Variants in SUCLG2 observed in about 807,000 individuals in gnomAD.
The protein encoded by SUCLG2 is succinate-CoA ligase GDP-forming subunit beta.
In SUCLG2, 42 loss-of-function variants were observed where a neutral mutation model predicts 47.9. The observed-to-expected ratio is 0.88, with a 90% CI of 0.69 to 1.14. The LOEUF is 1.14. Among genes scored for constraint, SUCLG2 ranks in the 50% most tolerant of loss-of-function variants. The pLI, the probability that SUCLG2 is intolerant of heterozygous loss-of-function variation, is 0.00. For missense variants in SUCLG2, 571 were observed against 525.9 expected, an observed-to-expected ratio of 1.09 and a Z score of -0.84; for synonymous variants, 195 against 197.3, an observed-to-expected ratio of 0.99 and a Z score of 0.10.
intron 9 of SUCLG2, among the ~76,000 whole-genome samples, chr3:67,476,404 T>C (rs1457886484): frequency 6.6e-6 from 1 of 152,064 alleles, no homozygotes; most frequent in African/African-American, 2.4e-5. Flanking sequence ...GCGCTCCTTA[T>C]GAGAATCTAA....
At chr3:67,447,654 T>C (rs1251974278) in intron 9 of SUCLG2, among the ~76,000 whole-genome samples, 1 of 152,220 alleles carries the variant, frequency 6.6e-6, no homozygotes, top group African/African-American at 2.4e-5. Context: ...CAAATCAACA[T>C]ATTTGCCAAT....
At chr3:67,527,650 T>G (rs1349735042) in intron 4 of SUCLG2, among the ~76,000 whole-genome samples, 2 of 152,224 alleles carry the variant, frequency 1.3e-5, no homozygotes, top group Non-Finnish European at 2.9e-5. Flanking sequence ...TCAGCTGACC[T>G]TCCTAATGCA....
At chr3:67,580,763 T>G (rs7628362) in intron 2 of SUCLG2, among the ~76,000 whole-genome samples, 40,323 of 152,078 alleles carry the variant, frequency 0.27, 6,356 homozygotes, top group East Asian at 0.42. Context: ...TTATAGACCG[T>G]CAATCATAAT....
chr3:67,495,907 T>C lies in SUCLG2; in HGVS notation c.953A>G (p.Asp318Gly). The C allele has an allele frequency of 6.2e-7, 1 of 1,613,948 alleles. No individual in the cohort carries two copies. The highest frequency in any genetic ancestry group is 8.5e-7 in the Non-Finnish European group (1 of 1,179,944). Residue 318 changes from aspartate (D) to glycine (G), a missense_variant, in exon 9 of 11, where the codon GAT (aspartate) becomes GGT (glycine). Physicochemically the swap from Asp to Gly is moderately conservative, Grantham distance 94. Coordinates refer to ENST00000307227, the MANE Select transcript of SUCLG2 (RefSeq NM_003848.4). ...CTTCCCACCATTAAGGAAAATGATA[T>C]CACAAGTAGCCATGGCGAGCCCAGC... ...NGAGLAMATC[D>G]IIFLNGGKPA...
At chr3:67,592,227 T>C (rs1708181318) in intron 2 of SUCLG2, among the ~76,000 whole-genome samples, 2 of 152,202 alleles carry the variant, frequency 1.3e-5, no homozygotes, top group South Asian at 4.1e-4. Context: ...GTTCAGAGTG[T>C]AAGGCACAGA....
intron 1 of SUCLG2, 63 bp from the exon 2 acceptor site, chr3:67,609,659 C>A: frequency 1.3e-6 from 2 of 1,539,174 alleles, no homozygotes; most frequent in Non-Finnish European, 8.8e-7. Context: ...AAAAGTCAAC[C>A]TACATGGCCA....
intron 10 of SUCLG2, among the ~76,000 whole-genome samples, chr3:67,397,626 A>C (rs554558687): frequency 6.6e-6 from 1 of 152,258 alleles, no homozygotes; most frequent in East Asian, 1.9e-4. Flanking sequence ...TGCCATCCCC[A>C]TCAAGCTACC....
intron 10 of SUCLG2, among the ~76,000 whole-genome samples, chr3:67,393,085 G>A (rs113924335): frequency 0.047 from 7,124 of 152,278 alleles, 504 homozygotes; most frequent in African/African-American, 0.16. Flanking sequence ...AGCTCCCAGC[G>A]TGAGCGACGC....
At chr3:67,608,309 C>A (rs1700460368) in intron 2 of SUCLG2, among the ~76,000 whole-genome samples, 1 of 152,180 alleles carries the variant, frequency 6.6e-6, no homozygotes, top group African/African-American at 2.4e-5. Context: ...CCACAGCTGA[C>A]AGAAGTGGGT....
At chr3:67,360,533 G>T in exon 11 of SUCLG2, 1 of 1,266,570 alleles carries the variant, frequency 7.9e-7, no homozygotes, top group South Asian at 1.7e-5. Context: ...ATTTCCATTA[G>T]CATGCAGCTG....
In SUCLG2 at chr3:67,495,770, A is replaced by G. The variant is rs551749989; in HGVS notation, c.1062+28T>C. 22 of 1,612,024 alleles carry G rather than the reference A, an allele frequency of 1.4e-5. 1 individual carries two copies. In the South Asian group the frequency reaches 2.4e-4, roughly 18 times the overall value. ...GACGGTGAGAAATTAAAACTGGCAT[A>G]TAATCTCCCTACAAAGAGAAAGGTT... On this transcript the variant is annotated intron_variant, in intron 9 of 10. Coordinates refer to ENST00000307227, the MANE Select transcript of SUCLG2 (RefSeq NM_003848.4).
intron 6 of SUCLG2, among the ~76,000 whole-genome samples, chr3:67,515,542 A>G (rs1705921791): frequency 6.6e-6 from 1 of 152,202 alleles, no homozygotes; most frequent in Admixed American, 6.5e-5. Context: ...TAATAATTTT[A>G]TAAGACTATC....
chr3:67,593,410 T>C (rs1346148577), intron 2 of SUCLG2, among the ~76,000 whole-genome samples: 1 of 152,000 alleles, frequency 6.6e-6, no homozygotes, highest in East Asian at 1.9e-4. Context: ...ACACATTCAA[T>C]TGTATATCCA....
chr3:67,648,735 A>G (rs906433400), intron 1 of SUCLG2, among the ~76,000 whole-genome samples: 2 of 152,218 alleles, frequency 1.3e-5, no homozygotes, highest in Non-Finnish European at 2.9e-5. Flanking sequence ...TTTCACAACT[A>G]GGATTTCTAT....
At chr3:67,483,580 C>T (rs1294854375) in intron 9 of SUCLG2, among the ~76,000 whole-genome samples, 1 of 152,162 alleles carries the variant, frequency 6.6e-6, no homozygotes, top group Non-Finnish European at 1.5e-5. Flanking sequence ...ATTTTCTATC[C>T]TCTTTAAAAT....
intron 9 of SUCLG2, among the ~76,000 whole-genome samples, chr3:67,438,899 C>T (rs1057313642): frequency 4.6e-5 from 7 of 152,156 alleles, no homozygotes; most frequent in African/African-American, 1.7e-4. Context: ...AGGACTGCAT[C>T]ATCCTGATAC....
intron 2 of SUCLG2, among the ~76,000 whole-genome samples, chr3:67,542,505 T>C (rs1706746017): frequency 6.6e-6 from 1 of 152,014 alleles, no homozygotes; most frequent in Admixed American, 6.5e-5. Flanking sequence ...GTAAATGAGG[T>C]AAATGCCCCA....
chr3:67,472,783 T>C (rs1293256469), intron 9 of SUCLG2, among the ~76,000 whole-genome samples: 4 of 152,156 alleles, frequency 2.6e-5, no homozygotes, highest in African/African-American at 4.8e-5. Context: ...AAACATTCAA[T>C]GTAGTCCCAT....
chr3:67,486,058 C>G (rs954769923), intron 9 of SUCLG2, among the ~76,000 whole-genome samples: 1 of 152,096 alleles, frequency 6.6e-6, no homozygotes, highest in Non-Finnish European at 1.5e-5. Context: ...ATCGCTTGAG[C>G]CCAGGAGTTT....
Sources: allele counts gnomAD v4.1 joint callset (sites outside exome capture counted in the v4.1 genomes callset), GRCh38; gene constraint gnomAD v4.1.1; transcripts MANE v1.5; gene names NCBI Gene and HGNC (gene_info 2026-07-23, HGNC 2026-07-21).